Variants in TMEM132D observed in about 807,000 individuals in gnomAD.
TMEM132D encodes transmembrane protein 132D.
TMEM132D carries 21 observed loss-of-function variants against 62.3 expected under a neutral mutation model. That is an observed-to-expected ratio of 0.34 (90% CI 0.24 to 0.49). TMEM132D has a LOEUF of 0.49. TMEM132D is among the 20% of genes least tolerant of loss of function. The probability of loss-of-function intolerance (pLI) is 0.99; values close to 1 mark genes in which losing one functional copy is unlikely to be tolerated. For synonymous variants in TMEM132D, 621 were observed against 575.6 expected (o/e 1.08, Z -1.13); for missense variants, 1,346 against 1,402.8 (o/e 0.96, Z 0.65).
intron 4 of TMEM132D, among the ~76,000 whole-genome samples, chr12:129,258,218 C>T (rs1010659553): frequency 6.6e-6 from 1 of 152,088 alleles, no homozygotes. Flanking sequence ...ACTTCATTTA[C>T]AGGGTTGTTT....
intron 5 of TMEM132D, among the ~76,000 whole-genome samples, chr12:129,192,397 C>T (rs1213008442): frequency 6.6e-6 from 1 of 152,230 alleles, no homozygotes; most frequent in East Asian, 1.9e-4. Context: ...CACACACACT[C>T]ATTATGTGAT....
chr12:129,814,141 G>A (rs959842239), intron 1 of TMEM132D, among the ~76,000 whole-genome samples: 3 of 152,142 alleles, frequency 2.0e-5, no homozygotes, highest in Admixed American at 6.5e-5. Context: ...TCATATGTGG[G>A]AGCTAAAAGA....
chr12:129,497,354 T>C (rs1874990222), intron 3 of TMEM132D, among the ~76,000 whole-genome samples: 1 of 152,114 alleles, frequency 6.6e-6, no homozygotes, highest in Non-Finnish European at 1.5e-5. Flanking sequence ...GGTGCCTGTA[T>C]TCCTCTGAAT....
At chr12:129,712,903 T>C (rs917189143) in intron 1 of TMEM132D, among the ~76,000 whole-genome samples, 4 of 152,066 alleles carry the variant, frequency 2.6e-5, no homozygotes, top group Non-Finnish European at 5.9e-5. Context: ...AGAAGAGTGA[T>C]AAGACAGAAA....
intron 4 of TMEM132D, among the ~76,000 whole-genome samples, chr12:129,221,287 G>A (rs7304563): frequency 0.18 from 27,482 of 152,178 alleles, 2,633 homozygotes; most frequent in Non-Finnish European, 0.19. Context: ...GTCACACGTG[G>A]AGAAGAGCTT....
At chr12:129,617,901 A>T (rs1008968027) in intron 2 of TMEM132D, among the ~76,000 whole-genome samples, 2 of 152,262 alleles carry the variant, frequency 1.3e-5, no homozygotes, top group African/African-American at 4.8e-5. Context: ...AAGACACAGC[A>T]GATGGGAATG....
chr12:129,087,324 A>G (rs1459402306), intron 5 of TMEM132D, among the ~76,000 whole-genome samples: 1 of 151,978 alleles, frequency 6.6e-6, no homozygotes, highest in Non-Finnish European at 1.5e-5. Context: ...TTAAGGCTGA[A>G]TAGTATTCCA....
chr12:129,120,252 A>G (rs1014292676), intron 5 of TMEM132D, among the ~76,000 whole-genome samples: 1 of 152,226 alleles, frequency 6.6e-6, no homozygotes, highest in African/African-American at 2.4e-5. Context: ...CTATGGGGGC[A>G]AGAGCGAAAG....
intron 2 of TMEM132D, among the ~76,000 whole-genome samples, chr12:129,636,260 C>G (rs1188787872): frequency 2.0e-5 from 3 of 152,174 alleles, no homozygotes; most frequent in Non-Finnish European, 4.4e-5. Context: ...CCACAAGAGA[C>G]AGATTTGCAG....
intron 5 of TMEM132D, among the ~76,000 whole-genome samples, chr12:129,184,114 C>T (rs1878153467): frequency 6.6e-6 from 1 of 152,126 alleles, no homozygotes; most frequent in South Asian, 2.1e-4. Context: ...ACTATGTCAC[C>T]CACTCATGTC....
At chr12:129,372,531 C>G (rs1408488669) in intron 3 of TMEM132D, among the ~76,000 whole-genome samples, 1 of 152,156 alleles carries the variant, frequency 6.6e-6, no homozygotes, top group Non-Finnish European at 1.5e-5. Context: ...TGCAGCCGCT[C>G]CCCATTGTTT....
chr12:129,901,440 C>T (rs149455866), intron 1 of TMEM132D, among the ~76,000 whole-genome samples: 250 of 152,294 alleles, frequency 1.6e-3, no homozygotes, highest in African/African-American at 5.8e-3. Flanking sequence ...CTACCATGTG[C>T]TCAGACTCTG....
intron 1 of TMEM132D, among the ~76,000 whole-genome samples, chr12:129,879,528 G>T (rs534524245): frequency 6.6e-6 from 1 of 152,310 alleles, no homozygotes; most frequent in Admixed American, 6.5e-5. Flanking sequence ...GAGAAGAAAC[G>T]TGAGTAATGG....
intron 5 of TMEM132D, among the ~76,000 whole-genome samples, chr12:129,126,069 A>G (rs1448385334): frequency 6.6e-6 from 1 of 152,180 alleles, no homozygotes; most frequent in South Asian, 2.1e-4. Context: ...TGGGGATTGC[A>G]TGTGCTCAGA....
At chr12:129,813,456 G>A (rs1449589361) in intron 1 of TMEM132D, among the ~76,000 whole-genome samples, 1 of 151,560 alleles carries the variant, frequency 6.6e-6, no homozygotes, top group African/African-American at 2.4e-5. Flanking sequence ...CAGTGAGGAT[G>A]TGAAGAAAGA....
chr12:129,791,625 T>C (rs777352285), intron 1 of TMEM132D, among the ~76,000 whole-genome samples: 33 of 151,994 alleles, frequency 2.2e-4, no homozygotes, highest in Non-Finnish European at 4.4e-4. Flanking sequence ...ATCACAAACA[T>C]CCTACTGCTT....
intron 1 of TMEM132D, among the ~76,000 whole-genome samples, chr12:129,701,524 C>T (rs921940971): frequency 6.6e-6 from 1 of 152,216 alleles, no homozygotes; most frequent in Admixed American, 6.5e-5. Flanking sequence ...TCCATGCCAG[C>T]CACATCCTGT....
chr12:129,788,821 G>A (rs1023989625), intron 1 of TMEM132D, among the ~76,000 whole-genome samples: 1 of 152,134 alleles, frequency 6.6e-6, no homozygotes, highest in Non-Finnish European at 1.5e-5. Context: ...AGGTAGCCAA[G>A]ATAGGGAGGG....
intron 3 of TMEM132D, among the ~76,000 whole-genome samples, chr12:129,367,984 TAG>T (rs1445092753): frequency 4.0e-5 from 6 of 151,886 alleles, no homozygotes; most frequent in African/African-American, 1.2e-4. Context: ...TGGGGTTTAG[TAG>T]AGAGCCTGGT....
Sources: allele counts gnomAD v4.1 joint callset (sites outside exome capture counted in the v4.1 genomes callset), GRCh38; gene constraint gnomAD v4.1.1; transcripts MANE v1.5; gene names NCBI Gene and HGNC (gene_info 2026-07-23, HGNC 2026-07-21).